CSMD3: variants seen among roughly 807,000 people sequenced by gnomAD.
CSMD3 encodes the protein CUB and Sushi multiple domains 3, also known as CUB and sushi domain-containing protein 3.
CSMD3 carries 177 observed loss-of-function variants against 435.2 expected under a neutral mutation model. That is an observed-to-expected ratio of 0.41 (90% CI 0.36 to 0.46). CSMD3 has a LOEUF of 0.46. Ranked by LOEUF, CSMD3 falls within the 20% of genes least tolerant of loss-of-function variation. The pLI, the probability that CSMD3 is intolerant of heterozygous loss-of-function variation, is 0.34. For missense variants in CSMD3, 4,265 were observed against 4,504.6 expected, an observed-to-expected ratio of 0.95 and a Z score of 1.52; for synonymous variants, 1,656 against 1,520.5, an observed-to-expected ratio of 1.09 and a Z score of -2.07.
intron 27 of CSMD3, among the ~76,000 whole-genome samples, chr8:112,531,483 C>T (rs1361782015): frequency 3.9e-5 from 6 of 152,162 alleles, no homozygotes; most frequent in Non-Finnish European, 8.8e-5. Context: ...TAACCCCTTC[C>T]CAAACTCCAG....
At chr8:112,533,057 G>A (rs1825693220) in intron 27 of CSMD3, among the ~76,000 whole-genome samples, 1 of 151,912 alleles carries the variant, frequency 6.6e-6, no homozygotes, top group South Asian at 2.1e-4. Flanking sequence ...AAAATAACTT[G>A]TACAACTAAA....
At chr8:112,848,596 T>C (rs1587469014) in intron 11 of CSMD3, among the ~76,000 whole-genome samples, 1 of 152,206 alleles carries the variant, frequency 6.6e-6, no homozygotes, top group South Asian at 2.1e-4. Context: ...AAAATAAGCA[T>C]ATATAATTCC....
At chr8:112,869,080 A>G (rs962667396) in intron 10 of CSMD3, among the ~76,000 whole-genome samples, 1 of 152,114 alleles carries the variant, frequency 6.6e-6, no homozygotes, top group African/African-American at 2.4e-5. Flanking sequence ...TTAATTATTT[A>G]TTTTCTCTCA....
intron 10 of CSMD3, among the ~76,000 whole-genome samples, chr8:112,890,535 C>T (rs2081753971): frequency 6.6e-6 from 1 of 151,642 alleles, no homozygotes; most frequent in Non-Finnish European, 1.5e-5. Flanking sequence ...CATGCTACTG[C>T]AGGAGGCTCC....
At chr8:112,808,028 A>G (rs1033779672) in intron 12 of CSMD3, among the ~76,000 whole-genome samples, 1 of 152,148 alleles carries the variant, frequency 6.6e-6, no homozygotes, top group Non-Finnish European at 1.5e-5. Context: ...TACTTACATA[A>G]AAATAAAATT....
Position 112,295,538 on chromosome 8 carries a change from T to C in CSMD3, c.8614+295A>G, listed in dbSNP as rs528199663. ...AAATTTAAACCCTTATAATTACAAA[T>C]GTGTTGATAATGTGTCTTCCATATA... On this transcript the variant is annotated intron_variant, in intron 54 of 70. Coordinates refer to ENST00000297405, the MANE Select transcript of CSMD3 (RefSeq NM_198123.2). Among the ~76,000 whole-genome samples the C allele has an allele frequency of 4.3e-4, 65 of 152,048 alleles. 1 individual carries two copies. Among genetic ancestry groups the C allele is most frequent in the Middle Eastern group, 3.5e-3 (1 of 288 alleles).
chr8:113,413,981 GTGCTT>G (rs2094570712), intron 1 of CSMD3, among the ~76,000 whole-genome samples: 1 of 152,168 alleles, frequency 6.6e-6, no homozygotes, highest in Non-Finnish European at 1.5e-5. Flanking sequence ...TAAAAGAAAT[GTGCTT>G]GAAAATAGGA....
chr8:112,908,332 T>A (rs943975908), intron 10 of CSMD3, among the ~76,000 whole-genome samples: 1 of 151,472 alleles, frequency 6.6e-6, no homozygotes, highest in African/African-American at 2.4e-5. Flanking sequence ...CAACTTCAGT[T>A]TCCTTAAATG....
At chr8:112,538,262 A>T (rs1826329436) in intron 27 of CSMD3, among the ~76,000 whole-genome samples, 1 of 152,108 alleles carries the variant, frequency 6.6e-6, no homozygotes, top group Non-Finnish European at 1.5e-5. Context: ...AAATGTCGAC[A>T]GCCTTTTTTC....
intron 13 of CSMD3, among the ~76,000 whole-genome samples, chr8:112,799,361 T>C (rs2078907041): frequency 6.6e-6 from 1 of 151,958 alleles, no homozygotes; most frequent in Non-Finnish European, 1.5e-5. Context: ...TCACAGTAAT[T>C]ATTTAATTGG....
intron 49 of CSMD3, among the ~76,000 whole-genome samples, chr8:112,312,801 TA>T (rs1248795420): frequency 3.3e-5 from 5 of 152,182 alleles, no homozygotes; most frequent in African/African-American, 1.2e-4. Context: ...TAAATTTGTA[TA>T]AATGAGTAAA....
At chr8:113,357,932 T>C (rs1288358238) in intron 1 of CSMD3, among the ~76,000 whole-genome samples, 3 of 152,216 alleles carry the variant, frequency 2.0e-5, no homozygotes, top group African/African-American at 7.2e-5. Flanking sequence ...CCTGCGGAAC[T>C]GTGAGCCAAT....
intron 1 of CSMD3, among the ~76,000 whole-genome samples, chr8:113,364,258 T>TTA (rs768341595): frequency 4.6e-4 from 70 of 151,488 alleles, no homozygotes; most frequent in African/African-American, 1.3e-3. Context: ...TTTTTTTTTT[T>TTA]AAAAAGGATC....
chr8:112,275,083 A>T (rs1817904821), intron 59 of CSMD3, among the ~76,000 whole-genome samples: 1 of 151,930 alleles, frequency 6.6e-6, no homozygotes, highest in South Asian at 2.1e-4. Context: ...TTGCTTCCTC[A>T]TTTGGCATCA....
chr8:113,087,173 A>T (rs991813098), intron 5 of CSMD3, among the ~76,000 whole-genome samples: 63 of 152,160 alleles, frequency 4.1e-4, no homozygotes, highest in African/African-American at 1.4e-3. Flanking sequence ...AGGACCCACC[A>T]CAAACCACAT....
intron 13 of CSMD3, among the ~76,000 whole-genome samples, chr8:112,773,784 G>A (rs1353332531): frequency 6.6e-6 from 1 of 151,956 alleles, no homozygotes. Flanking sequence ...TTAGAATGAA[G>A]ATGAAATAAT....
intron 38 of CSMD3, among the ~76,000 whole-genome samples, chr8:112,356,738 T>C (rs1826650277): frequency 1.3e-5 from 2 of 151,982 alleles, no homozygotes; most frequent in South Asian, 2.1e-4. Context: ...TGAGTACTGA[T>C]GGTTTTAAAA....
intron 23 of CSMD3, among the ~76,000 whole-genome samples, chr8:112,582,643 G>T (rs1830417948): frequency 6.6e-6 from 1 of 151,954 alleles, no homozygotes; most frequent in Non-Finnish European, 1.5e-5. Flanking sequence ...ACATGAAAAA[G>T]GGTCACTTTT....
chr8:113,239,180 T>C (rs1257851826), intron 3 of CSMD3, among the ~76,000 whole-genome samples: 1 of 152,154 alleles, frequency 6.6e-6, no homozygotes, highest in Non-Finnish European at 1.5e-5. Flanking sequence ...CTCTCATGGT[T>C]ATCAGGACTT....
Sources: gnomAD v4.1 joint callset for allele counts (sites outside exome capture counted in the v4.1 genomes callset) on GRCh38, gnomAD v4.1.1 for gene constraint, MANE v1.5 for transcripts, NCBI Gene and HGNC (gene_info 2026-07-23, HGNC 2026-07-21) for gene names.